Variants in PDPN observed in about 807,000 individuals in gnomAD.
The protein encoded by PDPN is podoplanin.
PDPN carries 12 observed loss-of-function variants against 23.2 expected under a neutral mutation model. The observed-to-expected ratio is 0.52, with a 90% CI of 0.33 to 0.84. PDPN has a LOEUF of 0.84. Ranked by LOEUF, PDPN falls within the 40% of genes least tolerant of loss-of-function variation. PDPN has a pLI of 0.02. For synonymous variants in PDPN, 77 were observed against 76.7 expected, an observed-to-expected ratio of 1.00 and a Z score of -0.02; for missense variants, 199 against 212.2, an observed-to-expected ratio of 0.94 and a Z score of 0.39.
At chr1:13,602,814 C>T (rs931917409) in intron 1 of PDPN, among the ~76,000 whole-genome samples, 1 of 152,066 alleles carries the variant, frequency 6.6e-6, no homozygotes, top group Non-Finnish European at 1.5e-5. Context: ...GTGATCCACC[C>T]GTCTCAGCCT....
At chr1:13,599,057 C>G (rs1480252486) in intron 1 of PDPN, among the ~76,000 whole-genome samples, 1 of 145,680 alleles carries the variant, frequency 6.9e-6, no homozygotes, top group Non-Finnish European at 1.5e-5. Flanking sequence ...TGTCACTAGC[C>G]TGGAGTGTAG....
At chr1:13,583,795 G>A (rs1054817819), upstream of PDPN, 2 of 1,528,106 alleles carry the variant, frequency 1.3e-6, no homozygotes, top group Non-Finnish European at 1.8e-6. Flanking sequence ...CCGCCTCCTC[G>A]GGAGAGATAA....
At chr1:13,595,382 A>T (rs1557539656) in intron 1 of PDPN, among the ~76,000 whole-genome samples, 1 of 152,148 alleles carries the variant, frequency 6.6e-6, no homozygotes. Flanking sequence ...TGCCCAGTTC[A>T]GCTGCAGAAA....
At chr1:13,583,794 C>T (rs1455004716), upstream of PDPN, 3 of 1,528,168 alleles carry the variant, frequency 2.0e-6, no homozygotes, top group South Asian at 2.6e-5. Context: ...CCCGCCTCCT[C>T]GGGAGAGATA....
chr1:13,584,152 C>T, intron 1 of PDPN, 52 bp downstream of exon 1: 1 of 1,589,890 alleles, frequency 6.3e-7, no homozygotes, highest in Non-Finnish European at 8.6e-7. Flanking sequence ...GACGAGCGAG[C>T]AGAGACTTGC....
At chr1:13,605,242 TC>T (rs983559638) in intron 1 of PDPN, among the ~76,000 whole-genome samples, 1 of 150,558 alleles carries the variant, frequency 6.6e-6, no homozygotes, top group African/African-American at 2.4e-5. Context: ...GAATAAGGTA[TC>T]TTAAGGCAAG....
chr1:13,590,765 G>A (rs1640320322), intron 1 of PDPN, among the ~76,000 whole-genome samples: 1 of 150,372 alleles, frequency 6.7e-6, no homozygotes, highest in Non-Finnish European at 1.5e-5. Flanking sequence ...CAGAAATAGA[G>A]AATGGGAGTG....
At chr1:13,593,853 C>G (rs1640419563) in intron 1 of PDPN, among the ~76,000 whole-genome samples, 2 of 152,190 alleles carry the variant, frequency 1.3e-5, no homozygotes, top group South Asian at 4.1e-4. Flanking sequence ...GTGGCCCTCC[C>G]TAGAAGGGGA....
rs1303883301 is a variant in PDPN at position 13,594,988 on chromosome 1, CCTT to C, written c.67+10891_67+10893del. Among the ~76,000 whole-genome samples the C allele has an allele frequency of 6.0e-5, 9 of 149,206 alleles. 1 individual carries two copies. The highest frequency in any genetic ancestry group is 4.0e-4 in the Admixed American group (6 of 15,000). On this transcript the variant is annotated intron_variant, in intron 1 of 5. Coordinates refer to ENST00000621990, the MANE Select transcript of PDPN (RefSeq NM_006474.5). ...CCAGCCTGGGCGACAGAGCGAGACT[CCTT>C]CTCAAAAAAAAAAAAAAGAAAGAAA...
intron 1 of PDPN, among the ~76,000 whole-genome samples, chr1:13,601,035 G>A (rs1003660136): frequency 1.3e-5 from 2 of 152,194 alleles, no homozygotes; most frequent in African/African-American, 2.4e-5. Context: ...GGACAATGAG[G>A]TGTCTTCCAC....
chr1:13,602,647 C>T (rs1640676373), intron 1 of PDPN, among the ~76,000 whole-genome samples: 1 of 152,154 alleles, frequency 6.6e-6, no homozygotes, highest in African/African-American at 2.4e-5. Context: ...ACTGCAATCT[C>T]TGCCTCCTGG....
Position 13,616,151 on chromosome 1 carries a change from T to G in PDPN, c.*240T>G. The G allele has an allele frequency of 5.4e-6, 3 of 560,520 alleles. No individual in the cohort carries two copies. The South Asian group carries it at 6.9e-5, about 13-fold the overall frequency. 34.7% of individuals were successfully genotyped at this position (560,520 alleles called of 1,614,324 possible). ...TTTGAATATACATTCTATAAAAGAT[T>G]ATTTGAAAGACAAAATTCATAGAAA... On this transcript the variant is annotated 3_prime_UTR_variant, in exon 6 of 6. Transcript: ENST00000621990.
At chr1:13,597,184 A>G (rs113196455) in intron 1 of PDPN, among the ~76,000 whole-genome samples, 169 of 152,314 alleles carry the variant, frequency 1.1e-3, no homozygotes, top group African/African-American at 3.2e-3. Context: ...AGTTTGTTCT[A>G]TAGGGGAAAA....
chr1:13,614,883 A>G (rs756623809), intron 5 of PDPN: 3 of 501,900 alleles, frequency 6.0e-6, no homozygotes, highest in Non-Finnish European at 1.2e-5. Context: ...AATTTCCAAA[A>G]TAAGAGAGTC....
chr1:13,600,034 C>T (rs1640602164), intron 1 of PDPN, among the ~76,000 whole-genome samples: 1 of 152,144 alleles, frequency 6.6e-6, no homozygotes, highest in African/African-American at 2.4e-5. Flanking sequence ...TAAGGGGACA[C>T]ACTGGAGGAG....
rs1450366455 is a variant in PDPN at position 13,584,012 on chromosome 1, G to C, written c.-22G>C. ...GAATCTTGCTGCTCGGCCCCCAGGA[G>C]AGCAACAACTCAACGGGAACGATGT... is the stretch of plus-strand genomic sequence containing the variant. On this transcript the variant is annotated 5_prime_UTR_variant, in exon 1 of 6. Transcript: ENST00000621990. 1.9e-6 allele frequency: 3 copies of C among 1,613,570 alleles called. No homozygotes were observed. The East Asian group carries it at 6.7e-5, about 36-fold the overall frequency.
intron 5 of PDPN, chr1:13,614,657 C>G: frequency 2.2e-6 from 1 of 446,858 alleles, no homozygotes; most frequent in Non-Finnish European, 4.1e-6. Context: ...TGCAGTGGCT[C>G]ACACCTGGAA....
chr1:13,608,118 AAT>A (rs1557548793), intron 2 of PDPN, among the ~76,000 whole-genome samples: 1 of 152,154 alleles, frequency 6.6e-6, no homozygotes, highest in East Asian at 1.9e-4. Context: ...AAAATAAATA[AAT>A]AAATAAGTCA....
At chr1:13,592,413 T>C (rs1640371187) in intron 1 of PDPN, among the ~76,000 whole-genome samples, 1 of 152,152 alleles carries the variant, frequency 6.6e-6, no homozygotes, top group South Asian at 2.1e-4. Context: ...ACTCTTACAG[T>C]TTTAGCTCTG....
Sources: gnomAD v4.1 joint callset for allele counts (sites outside exome capture counted in the v4.1 genomes callset) on GRCh38, gnomAD v4.1.1 for gene constraint, MANE v1.5 for transcripts, NCBI Gene and HGNC (gene_info 2026-07-23, HGNC 2026-07-21) for gene names.